The following MVP variants were observed in gnomAD, a reference collection of about 807,000 sequenced individuals.
MVP encodes major vault protein, also known as lung resistance-related protein.
MVP carries 62 observed loss-of-function variants against 83.5 expected under a neutral mutation model. The ratio of observed to expected loss-of-function variants is 0.74; its 90% CI spans 0.61 to 0.92. MVP has a LOEUF of 0.92. Ranked by LOEUF, MVP falls within the 40% of genes least tolerant of loss-of-function variation. The probability of loss-of-function intolerance (pLI) is 0.00; values close to 1 mark genes in which losing one functional copy is unlikely to be tolerated. For missense variants in MVP, 1,000 were observed against 1,203.4 expected, an observed-to-expected ratio of 0.83 and a Z score of 2.50; for synonymous variants, 505 against 504.1, an observed-to-expected ratio of 1.00 and a Z score of -0.02.
At chr16:29,827,999 G>A (rs1220935698) in intron 1 of MVP, among the ~76,000 whole-genome samples, 4 of 152,108 alleles carry the variant, frequency 2.6e-5, no homozygotes, top group South Asian at 2.1e-4. Context: ...TTGCTCTGTC[G>A]CCCAGGGCTG....
At chr16:29,830,286 G>A in intron 1 of MVP, 1 of 355,122 alleles carries the variant, frequency 2.8e-6, no homozygotes, top group Non-Finnish European at 5.3e-6. Context: ...GGCCTCTGTG[G>A]CTCACTGCAT....
At chr16:29,831,870 G>A in intron 3 of MVP, 1 of 360,224 alleles carries the variant, frequency 2.8e-6, no homozygotes, top group South Asian at 2.1e-5. Context: ...GCAGGTGGGT[G>A]TCCCACCTTC....
rs1456184192 is a variant in MVP at position 29,833,742 on chromosome 16, C to A, written c.331C>A (p.Pro111Thr). The A allele has an allele frequency of 1.9e-6, 3 of 1,614,040 alleles. No individual in the cohort carries two copies. The highest frequency in any genetic ancestry group is 4.5e-5 in the East Asian group (2 of 44,878). The change falls in exon 4 of 15, where the codon CCC becomes ACC. Residue 111 changes from proline (P) to threonine (T), a missense_variant. Coordinates refer to ENST00000357402, the MANE Select transcript of MVP (RefSeq NM_005115.5). The part of the protein sequence containing the change: ...PGEVLEKDIT[P>T]LQVVLPNTAL... ...CCTTCTTCCCCACTAGGACATCACA[C>A]CCCTGCAGGTGGTTCTGCCCAACAC...
chr16:29,836,635 A>G (rs1207198922), intron 6 of MVP, 87 bp from the exon 7 acceptor site: 3 of 1,036,054 alleles, frequency 2.9e-6, no homozygotes, highest in Non-Finnish European at 4.2e-6. Flanking sequence ...ATCTGGGAGC[A>G]TTGGGAGCAT....
At position 29,842,070 on chromosome 16, in the gene MVP, C is replaced by G; in HGVS notation, c.1592C>G (p.Thr531Arg). The G allele has an allele frequency of 6.2e-7, 1 of 1,607,960 alleles. No homozygotes were observed. The change falls in exon 10 of 15, where the codon ACG becomes AGG. Residue 531 changes from threonine (T) to arginine (R), a missense_variant. By Grantham distance (71) the Thr-to-Arg change is moderately conservative. Transcript: ENST00000357402. ...TTCACAGACGTCATCACCATCGAAACGGCGGATCATGCCAGGCTGCAACTG... is the reference window on the plus strand; with the variant it reads ...TTCACAGACGTCATCACCATCGAAAGGGCGGATCATGCCAGGCTGCAACTG... Reference protein sequence around the residue: ...DFFTDVITIETADHARLQLQL... With the variant: ...DFFTDVITIERADHARLQLQL...
chr16:29,824,230 A>AAAC lies in MVP; in HGVS notation c.-36+3722_-36+3723insCAA, dbSNP rs1290701222. Among the ~76,000 whole-genome samples, 141 of 149,406 alleles carry AAAC rather than the reference A, an allele frequency of 9.4e-4. 2 individuals are homozygous for AAAC. Among genetic ancestry groups the AAAC allele is most frequent in the Middle Eastern group, 3.4e-3 (1 of 290 alleles). ...CCATCTCAAAAAAAAAAAAAAAAAA[A>AAAC]AAAAAAAAAAACAGATTTCCAGATG... On this transcript the variant is annotated intron_variant, in intron 1 of 14. Coordinates refer to ENST00000357402, the MANE Select transcript of MVP (RefSeq NM_005115.5).
intron 7 of MVP, among the ~76,000 whole-genome samples, chr16:29,838,912 C>T (rs1057391355): frequency 4.6e-5 from 7 of 152,120 alleles, no homozygotes; most frequent in Admixed American, 2.6e-4. Context: ...GCCAGCTGGA[C>T]GCAGTGGCTC....
chr16:29,840,044 A>G, intron 7 of MVP, 134 bp from the exon 8 acceptor site: 1 of 819,758 alleles, frequency 1.2e-6, no homozygotes, highest in East Asian at 2.7e-5. Flanking sequence ...CCGTATTATG[A>G]TGTGGGGGTG....
Position 29,842,061 on chromosome 16 carries a change from C to A in MVP, c.1583C>A (p.Thr528Asn), listed in dbSNP as rs747960282. ...LGPDFFTDVI[T>N]IETADHARLQ... Reference sequence around the variant, plus strand: ...CCTGACTTCTTCACAGACGTCATCACCATCGAAACGGCGGATCATGCCAGG... The same window carrying A: ...CCTGACTTCTTCACAGACGTCATCAACATCGAAACGGCGGATCATGCCAGG... Residue 528 changes from threonine to asparagine, a missense_variant, in exon 10 of 15, where the codon ACC becomes AAC. By Grantham distance (65) the Thr-to-Asn change is moderately conservative. Coordinates refer to ENST00000357402, the MANE Select transcript of MVP (RefSeq NM_005115.5). 1 of 1,609,134 alleles carries A rather than the reference C, an allele frequency of 6.2e-7. No homozygotes were observed. The highest frequency in any genetic ancestry group is 1.1e-5 in the South Asian group (1 of 91,022).
chr16:29,847,682 C>T, intron 14 of MVP, 80 bp from the exon 15 acceptor site: 1 of 1,404,438 alleles, frequency 7.1e-7, no homozygotes, highest in Non-Finnish European at 1.0e-6. Context: ...ACCCTTCAAA[C>T]CAGCTGACTT....
At position 29,841,151 on chromosome 16, in the gene MVP, C is replaced by T. The variant is rs143756659; in HGVS notation, c.1192-445C>T. Among the ~76,000 whole-genome samples, 542 of 152,160 alleles carry T rather than the reference C, an allele frequency of 3.6e-3. 7 individuals are homozygous for T. The highest frequency in any genetic ancestry group is 0.012 in the African/African-American group (505 of 41,502). On this transcript the variant is annotated intron_variant, in intron 8 of 14. Transcript: ENST00000357402. This position sits in a 1 kb window ranked among gnomAD's most constrained non-coding sequence, Gnocchi z 4.7. ...CTTGATTTGACCTCGGGCCACATCT[C>T]CAACCTTCTCTAAGAATCCAAGCTG...
chr16:29,827,659 ATC>A (rs372459247), intron 1 of MVP, among the ~76,000 whole-genome samples: 55 of 152,302 alleles, frequency 3.6e-4, no homozygotes, highest in African/African-American at 1.3e-3. Context: ...TACCCCTGTA[ATC>A]TCAGCACTTT....
chr16:29,835,681 C>T (rs773917785), intron 5 of MVP, 23 bp from the exon 6 acceptor site: 9 of 1,609,830 alleles, frequency 5.6e-6, no homozygotes, highest in Non-Finnish European at 6.8e-6. Flanking sequence ...GCCCTTGTCC[C>T]TTACCCTCCA....
Position 29,842,078 on chromosome 16 carries a change from C to T in MVP, c.1600C>T (p.His534Tyr), listed in dbSNP as rs1442902039. ...CGTCATCACCATCGAAACGGCGGAT[C>T]ATGCCAGGCTGCAACTGCAGCTGGC... ...TDVITIETAD[H>Y]ARLQLQLAYN... The change falls in exon 10 of 15, where the codon CAT becomes TAT. Residue 534 changes from histidine (H) to tyrosine (Y), a missense_variant. By Grantham distance (83) the His-to-Tyr change is moderately conservative. Transcript: ENST00000357402. The T allele has an allele frequency of 6.2e-7, 1 of 1,606,700 alleles. No individual in the cohort carries two copies. Among genetic ancestry groups the T allele is most frequent in the Non-Finnish European group, 8.5e-7 (1 of 1,179,574 alleles).
chr16:29,846,129 G>A (rs759871692), intron 12 of MVP, 29 bp from the exon 13 acceptor site: 1 of 1,603,812 alleles, frequency 6.2e-7, no homozygotes, highest in African/African-American at 1.3e-5. Flanking sequence ...CTGTCTCCCG[G>A]GTCTTACCTG....
rs776883056 is a variant in MVP, at chr16:29,831,088, C to T, written c.321+15C>T. On this transcript the variant is annotated intron_variant, in intron 3 of 14. Transcript: ENST00000357402. ...TGCTGGAAAAGGTACCTGGTTTCCT[C>T]ACTCCCTATGCCCCACCCTACCTGT... 1.6e-5 allele frequency: 25 copies of T among 1,606,038 alleles called. No homozygotes were observed. The Admixed American group carries it at 3.5e-4, about 23-fold the overall frequency.
In MVP at chr16:29,844,866, G is replaced by A. The variant is rs1378994718; in HGVS notation, c.2008G>A (p.Glu670Lys). The change falls in exon 11 of 15, where the codon GAA becomes AAA. Residue 670 changes from glutamate to lysine, a missense_variant. Physicochemically the swap from Glu to Lys is moderately conservative, Grantham distance 56. Coordinates refer to ENST00000357402, the MANE Select transcript of MVP (RefSeq NM_005115.5). ...LAIEITTNSQEAAAKHEAQRL... is the reference protein window; with the variant it reads ...LAIEITTNSQKAAAKHEAQRL... ...CATCGAGATCACCACCAACTCCCAGGAAGCGGCGGCCAAGTAAGTGAGGCT... is the reference window on the plus strand; with the variant it reads ...CATCGAGATCACCACCAACTCCCAGAAAGCGGCGGCCAAGTAAGTGAGGCT... 1.2e-6 allele frequency: 2 copies of A among 1,600,386 alleles called. No homozygotes were observed. Among genetic ancestry groups the A allele is most frequent in the South Asian group, 1.1e-5 (1 of 90,958 alleles).
At chr16:29,822,878 C>T (rs1017156788) in intron 1 of MVP, among the ~76,000 whole-genome samples, 1 of 152,076 alleles carries the variant, frequency 6.6e-6, no homozygotes, top group Non-Finnish European at 1.5e-5. Flanking sequence ...CCACCATGTA[C>T]GGCTAATTTT....
At chr16:29,837,735 T>TA (rs1227559360) in intron 7 of MVP, among the ~76,000 whole-genome samples, 1 of 151,684 alleles carries the variant, frequency 6.6e-6, no homozygotes, top group Non-Finnish European at 1.5e-5. Flanking sequence ...GCCTGGGCGA[T>TA]AGAGTGAGAC....
Sources: gnomAD v4.1 joint callset for allele counts (sites outside exome capture counted in the v4.1 genomes callset) on GRCh38, gnomAD v4.1.1 for gene constraint, Gnocchi (gnomAD v3.1) non-coding constraint, MANE v1.5 for transcripts, NCBI Gene and HGNC (gene_info 2026-07-23, HGNC 2026-07-21) for gene names.